The following SLC16A12 variants were observed in gnomAD, a reference collection of about 807,000 sequenced individuals.
SLC16A12 encodes solute carrier family 16 member 12.
A neutral mutation model predicts 42.4 loss-of-function variants in SLC16A12; 17 were observed. That is an observed-to-expected ratio of 0.40 (90% CI 0.27 to 0.60). The LOEUF (loss-of-function observed/expected upper bound fraction) is 0.60. Ranked by LOEUF, SLC16A12 falls within the 20% of genes least tolerant of loss-of-function variation. The pLI is 0.42. For synonymous variants in SLC16A12, 224 were observed against 229.4 expected (o/e 0.98, Z 0.21); for missense variants, 544 against 623.0 (o/e 0.87, Z 1.35).
intron 2 of SLC16A12, among the ~76,000 whole-genome samples, chr10:89,513,527 T>G (rs1258612407): frequency 6.6e-6 from 1 of 152,232 alleles, no homozygotes; most frequent in East Asian, 1.9e-4. Context: ...TTAAAAATAT[T>G]TATTTACCAC....
chr10:89,481,818 C>T (rs1296079452), intron 2 of SLC16A12, among the ~76,000 whole-genome samples: 1 of 151,928 alleles, frequency 6.6e-6, no homozygotes, highest in Non-Finnish European at 1.5e-5. Flanking sequence ...ATGAAAAAGT[C>T]CACTTTAGGA....
chr10:89,445,202 G>T (rs7099758), intron 3 of SLC16A12, among the ~76,000 whole-genome samples: 1 of 152,164 alleles, frequency 6.6e-6, no homozygotes, highest in African/African-American at 2.4e-5. Flanking sequence ...TAAATGTCCC[G>T]GTCTGACAGC....
chr10:89,547,499 A>C (rs1843748499), intron 2 of SLC16A12, among the ~76,000 whole-genome samples: 1 of 152,212 alleles, frequency 6.6e-6, no homozygotes, highest in Non-Finnish European at 1.5e-5. Context: ...TGCATAGTAC[A>C]TTGGTGTTTT....
intron 3 of SLC16A12, among the ~76,000 whole-genome samples, chr10:89,445,126 T>G (rs1226497021): frequency 6.6e-6 from 1 of 151,930 alleles, no homozygotes; most frequent in Admixed American, 6.6e-5. Context: ...CCACTGCAGC[T>G]CAACCAGACT....
intron 2 of SLC16A12, among the ~76,000 whole-genome samples, chr10:89,543,842 A>T (rs1843729143): frequency 6.6e-6 from 1 of 152,164 alleles, no homozygotes; most frequent in Non-Finnish European, 1.5e-5. Context: ...CAAAAAAAAA[A>T]TGGATAAATG....
At chr10:89,498,716 G>GTGGATTGCTCC (rs1475433918) in intron 2 of SLC16A12, among the ~76,000 whole-genome samples, 1 of 152,144 alleles carries the variant, frequency 6.6e-6, no homozygotes, top group East Asian at 1.9e-4. Context: ...TCTGAAGGAG[G>GTGGATTGCTCC]TGGATTGCTC....
chr10:89,442,142 G>A (rs1463335930), intron 4 of SLC16A12, among the ~76,000 whole-genome samples: 1 of 152,204 alleles, frequency 6.6e-6, no homozygotes, highest in African/African-American at 2.4e-5. Context: ...TGAAGAGTAT[G>A]ATCATTTTTG....
intron 2 of SLC16A12, among the ~76,000 whole-genome samples, chr10:89,534,000 T>C (rs1843604306): frequency 6.6e-6 from 1 of 152,234 alleles, no homozygotes; most frequent in Admixed American, 6.5e-5. Flanking sequence ...CAGTTAACAG[T>C]ATGAATTCAG....
chr10:89,441,793 A>G (rs1313955773), intron 4 of SLC16A12, among the ~76,000 whole-genome samples: 1 of 152,168 alleles, frequency 6.6e-6, no homozygotes, highest in African/African-American at 2.4e-5. Context: ...TCTAAGAAAA[A>G]TGCTTCATGC....
At chr10:89,524,296 CACTCCCTTGTTCAAAA>C (rs1434536212) in intron 2 of SLC16A12, among the ~76,000 whole-genome samples, 2 of 152,164 alleles carry the variant, frequency 1.3e-5, no homozygotes, top group East Asian at 3.9e-4. Context: ...CACTCCCACC[CACTCCCTTGTTCAAAA>C]ACTCAAAGAA....
intron 2 of SLC16A12, among the ~76,000 whole-genome samples, chr10:89,507,164 T>C (rs1843077256): frequency 6.6e-6 from 1 of 151,770 alleles, no homozygotes; most frequent in African/African-American, 2.4e-5. Context: ...CAGGATATTA[T>C]CCAGAACTTC....
chr10:89,487,547 TC>T (rs1221037283), intron 2 of SLC16A12, among the ~76,000 whole-genome samples: 1 of 150,400 alleles, frequency 6.6e-6, no homozygotes, highest in African/African-American at 2.5e-5. Flanking sequence ...ACACCTGTAA[TC>T]CCAACACTTT....
At position 89,430,884 on chromosome 10, in the gene SLC16A12, C is replaced by A; in HGVS notation, c.*2180G>T. 1 of 348,790 alleles carries A rather than the reference C, an allele frequency of 2.9e-6. No homozygotes were observed. The highest frequency in any genetic ancestry group is 2.3e-5 in the South Asian group (1 of 43,464). The allele number at this position is 348,790 out of a possible 1,614,324, so 21.6% of individuals were successfully genotyped here. A position where few individuals can be genotyped will look rare whatever the true frequency, so the allele number is the denominator to read the frequency against. On this transcript the variant is annotated 3_prime_UTR_variant, in exon 8 of 8. Coordinates refer to ENST00000371790, the MANE Select transcript of SLC16A12 (RefSeq NM_213606.4). The stretch of plus-strand genomic sequence containing the variant: ...AAAATATGTATAAGAATATTTGTAA[C>A]TATTCATATTTTTAAACATCTTTAG...
At chr10:89,458,185 T>G (rs1249988337) in intron 3 of SLC16A12, among the ~76,000 whole-genome samples, 1 of 152,232 alleles carries the variant, frequency 6.6e-6, no homozygotes, top group African/African-American at 2.4e-5. Flanking sequence ...GTAGCTGTTA[T>G]GTAGAATCTC....
At chr10:89,488,254 C>A (rs947182428) in intron 2 of SLC16A12, among the ~76,000 whole-genome samples, 5 of 151,806 alleles carry the variant, frequency 3.3e-5, no homozygotes, top group African/African-American at 9.7e-5. Context: ...AAAGATCCAT[C>A]AAAAAAATCC....
intron 2 of SLC16A12, chr10:89,468,041 T>C (rs963153529): frequency 6.6e-6 from 1 of 152,224 alleles, no homozygotes; most frequent in African/African-American, 2.4e-5. Context: ...CATCTTCTGT[T>C]TGGCATTTCC....
intron 3 of SLC16A12, among the ~76,000 whole-genome samples, chr10:89,453,596 A>G (rs535532335): frequency 6.6e-6 from 1 of 152,306 alleles, no homozygotes; most frequent in East Asian, 1.9e-4. Context: ...GTAGCTTAGG[A>G]GCAATAGGTT....
chr10:89,433,571 T>C (rs1564822354), intron 7 of SLC16A12, among the ~76,000 whole-genome samples: 1 of 152,212 alleles, frequency 6.6e-6, no homozygotes, highest in Non-Finnish European at 1.5e-5. Context: ...ATCATGTACT[T>C]AGTAGTCACA....
chr10:89,517,805 T>C (rs944410831), intron 2 of SLC16A12, among the ~76,000 whole-genome samples: 3 of 152,108 alleles, frequency 2.0e-5, no homozygotes, highest in African/African-American at 7.2e-5. Context: ...TTCAAGAAAA[T>C]GATTGCCATA....
Sources: gnomAD v4.1 joint callset for allele counts (sites outside exome capture counted in the v4.1 genomes callset) on GRCh38, gnomAD v4.1.1 for gene constraint, MANE v1.5 for transcripts, NCBI Gene and HGNC (gene_info 2026-07-23, HGNC 2026-07-21) for gene names.